HYCC1: variants seen among roughly 807,000 people sequenced by gnomAD.
HYCC1 encodes the protein hyccin PI4KA lipid kinase complex subunit 1.
chr7:22,925,632 A>G, the HYCC1 span, among the ~76,000 whole-genome samples: 1 of 152,226 alleles, frequency 6.6e-6, no homozygotes, highest in Non-Finnish European at 1.5e-5. Flanking sequence ...AGTTTAGAGA[A>G]AAAAGAAGAG....
At chr7:22,960,702 C>T in the HYCC1 span, among the ~76,000 whole-genome samples, 27 of 152,256 alleles carry the variant, frequency 1.8e-4, no homozygotes, top group East Asian at 1.2e-3. Context: ...TTAAGGAGAA[C>T]AATTCTCATA....
chr7:22,951,864 G>C, the HYCC1 span, among the ~76,000 whole-genome samples: 1 of 151,788 alleles, frequency 6.6e-6, no homozygotes, highest in East Asian at 1.9e-4. Context: ...TTTAAATAGA[G>C]TACAACCATG....
At chr7:22,964,727 G>A in the HYCC1 span, among the ~76,000 whole-genome samples, 1 of 152,096 alleles carries the variant, frequency 6.6e-6, no homozygotes, top group East Asian at 1.9e-4. Context: ...AACATATAAA[G>A]CTGAGGTATG....
chr7:22,917,635 G>C, the HYCC1 span, among the ~76,000 whole-genome samples: 1 of 152,202 alleles, frequency 6.6e-6, no homozygotes, highest in Non-Finnish European at 1.5e-5. Flanking sequence ...CCTTCCGTCA[G>C]ACATAATTCC....
At chr7:22,994,850 A>C in the HYCC1 span, among the ~76,000 whole-genome samples, 7 of 152,250 alleles carry the variant, frequency 4.6e-5, no homozygotes, top group Middle Eastern at 3.4e-3. Context: ...AAGAAGCTAC[A>C]GACACCTAGA....
At chr7:23,007,924 TATTTCCTTAACATACCATAAATAAAA>T in the HYCC1 span, among the ~76,000 whole-genome samples, 1 of 152,082 alleles carries the variant, frequency 6.6e-6, no homozygotes, top group Non-Finnish European at 1.5e-5. Context: ...CATAGAAGAC[TATTTCCTTAACATACCATAAATAAAA>T]ATTTTGAACA....
chr7:22,899,530 G>T, the HYCC1 span, among the ~76,000 whole-genome samples: 3,050 of 152,316 alleles, frequency 0.02, 65 homozygotes, highest in East Asian at 0.11. Flanking sequence ...CTGCCTTAGA[G>T]AATTTATAAT....
At chr7:22,924,067 T>A in the HYCC1 span, among the ~76,000 whole-genome samples, 3 of 148,108 alleles carry the variant, frequency 2.0e-5, no homozygotes, top group Non-Finnish European at 3.0e-5. Context: ...TAATCCCAGC[T>A]ACTTGAGAAG....
At chr7:22,995,270 C>T in the HYCC1 span, among the ~76,000 whole-genome samples, 1 of 152,070 alleles carries the variant, frequency 6.6e-6, no homozygotes, top group Non-Finnish European at 1.5e-5. Context: ...TTGCCCTGCT[C>T]GGTCCCTCCC....
chr7:22,897,596 T>C, the HYCC1 span, among the ~76,000 whole-genome samples: 1 of 152,132 alleles, frequency 6.6e-6, no homozygotes, highest in East Asian at 1.9e-4. Context: ...GCCTAGCACA[T>C]AGTAATAACA....
chr7:22,959,760 G>A, the HYCC1 span, among the ~76,000 whole-genome samples: 1 of 151,928 alleles, frequency 6.6e-6, no homozygotes, highest in Admixed American at 6.6e-5. Flanking sequence ...CACATACACA[G>A]AATCTTGAAA....
chr7:22,969,803 T>G, the HYCC1 span, among the ~76,000 whole-genome samples: 1 of 152,168 alleles, frequency 6.6e-6, no homozygotes, highest in African/African-American at 2.4e-5. Context: ...GGATTACAGG[T>G]GTGAGCCACC....
the HYCC1 span, among the ~76,000 whole-genome samples, chr7:22,948,869 A>G: frequency 6.6e-6 from 1 of 152,032 alleles, no homozygotes; most frequent in African/African-American, 2.4e-5. Flanking sequence ...AAAACCTCCA[A>G]CCAAGCCTGT....
the HYCC1 span, among the ~76,000 whole-genome samples, chr7:22,973,010 G>C: frequency 5.3e-5 from 8 of 152,146 alleles, no homozygotes; most frequent in African/African-American, 1.9e-4. Context: ...TTTTCTGGTT[G>C]TATTTATGTA....
the HYCC1 span, among the ~76,000 whole-genome samples, chr7:22,931,948 A>G: frequency 6.6e-6 from 1 of 152,224 alleles, no homozygotes; most frequent in Non-Finnish European, 1.5e-5. Context: ...AAGAGGTGTG[A>G]GATAAATTGA....
the HYCC1 span, among the ~76,000 whole-genome samples, chr7:22,997,184 T>C: frequency 1.3e-5 from 2 of 152,138 alleles, no homozygotes; most frequent in African/African-American, 2.4e-5. Flanking sequence ...TTACCAAAAT[T>C]TATCTTTTAG....
chr7:22,927,542 G>T, the HYCC1 span, among the ~76,000 whole-genome samples: 1 of 152,184 alleles, frequency 6.6e-6, no homozygotes, highest in South Asian at 2.1e-4. Flanking sequence ...TACCATCAGA[G>T]AATACTATAA....
At chr7:22,966,087 G>GA in the HYCC1 span, among the ~76,000 whole-genome samples, 1 of 151,470 alleles carries the variant, frequency 6.6e-6, no homozygotes, top group African/African-American at 2.4e-5. Flanking sequence ...AAATGACAGG[G>GA]AAAAAAAACT....
At chr7:22,945,619 A>G in the HYCC1 span, 6 of 1,612,640 alleles carry the variant, frequency 3.7e-6, no homozygotes, top group Non-Finnish European at 5.1e-6. Flanking sequence ...TGCTAATACT[A>G]GGAGGTCTCT....
Sources: allele counts gnomAD v4.1 joint callset (sites outside exome capture counted in the v4.1 genomes callset), GRCh38; gene constraint gnomAD v4.1.1; transcripts MANE v1.5; gene names NCBI Gene and HGNC (gene_info 2026-07-23, HGNC 2026-07-21).